The following SLC9A9 variants were observed in gnomAD, a reference collection of about 807,000 sequenced individuals.
SLC9A9 encodes sodium/hydrogen exchanger 9.
Under a neutral mutation model 77.8 loss-of-function variants are expected in SLC9A9, and 62 were observed. The observed-to-expected ratio is 0.80, with a 90% CI of 0.65 to 0.98. SLC9A9 has a LOEUF of 0.98. Ranked by LOEUF, SLC9A9 falls within the 50% of genes least tolerant of loss-of-function variation. The pLI is 0.00. For missense variants in SLC9A9, 775 were observed against 774.9 expected (o/e 1.00, Z 0.00); for synonymous variants, 320 against 283.5 (o/e 1.13, Z -1.29).
chr3:143,431,772 G>C (rs1483231270), intron 12 of SLC9A9, among the ~76,000 whole-genome samples: 2 of 152,070 alleles, frequency 1.3e-5, no homozygotes, highest in East Asian at 3.9e-4. Flanking sequence ...ATAAGGCCCT[G>C]TATGATCTTC....
At chr3:143,788,224 C>A (rs1560079455) in intron 4 of SLC9A9, among the ~76,000 whole-genome samples, 1 of 151,958 alleles carries the variant, frequency 6.6e-6, no homozygotes, top group East Asian at 1.9e-4. Flanking sequence ...AAAATGAGTT[C>A]CAGGAAATGA....
At chr3:143,625,204 A>G (rs78019207) in intron 6 of SLC9A9, among the ~76,000 whole-genome samples, 73,724 of 152,060 alleles carry the variant, frequency 0.48, 19,245 homozygotes, top group African/African-American at 0.69. Context: ...GCAATTTATA[A>G]ATTCAATGCC....
At chr3:143,342,770 T>A (rs1423435370) in intron 14 of SLC9A9, among the ~76,000 whole-genome samples, 1 of 152,198 alleles carries the variant, frequency 6.6e-6, no homozygotes, top group Non-Finnish European at 1.5e-5. Flanking sequence ...TATTGAGTGA[T>A]CTATTTAATC....
At chr3:143,729,857 C>CCTACT (rs1440323741) in intron 4 of SLC9A9, among the ~76,000 whole-genome samples, 1 of 152,176 alleles carries the variant, frequency 6.6e-6, no homozygotes, top group African/African-American at 2.4e-5. Flanking sequence ...AAAAATATAA[C>CCTACT]CTACTCTTTG....
chr3:143,415,161 C>T (rs1007019364), intron 12 of SLC9A9, among the ~76,000 whole-genome samples: 1 of 152,192 alleles, frequency 6.6e-6, no homozygotes, highest in Non-Finnish European at 1.5e-5. Flanking sequence ...CTAGCAGAAG[C>T]TAGCTCATAA....
At chr3:143,451,798 A>G (rs963291235) in intron 12 of SLC9A9, among the ~76,000 whole-genome samples, 3 of 152,172 alleles carry the variant, frequency 2.0e-5, no homozygotes, top group African/African-American at 7.2e-5. Flanking sequence ...TACTTTTGGG[A>G]TAAGACATAT....
At chr3:143,780,440 T>G (rs541219520) in intron 4 of SLC9A9, among the ~76,000 whole-genome samples, 1 of 152,280 alleles carries the variant, frequency 6.6e-6, no homozygotes, top group African/African-American at 2.4e-5. Context: ...TCACTGTCAA[T>G]TGGGGATTGA....
chr3:143,690,005 C>T (rs989319690), intron 5 of SLC9A9, among the ~76,000 whole-genome samples: 2 of 151,714 alleles, frequency 1.3e-5, no homozygotes, highest in African/African-American at 4.8e-5. Context: ...AACAAATGAA[C>T]ATTATTATAT....
intron 5 of SLC9A9, among the ~76,000 whole-genome samples, chr3:143,652,864 TC>T (rs1014713564): frequency 1.3e-5 from 2 of 151,008 alleles, no homozygotes; most frequent in Non-Finnish European, 2.9e-5. Context: ...CTTTCAACTG[TC>T]CCCCTCCCAA....
chr3:143,535,711 G>A (rs553245917), intron 9 of SLC9A9, among the ~76,000 whole-genome samples: 4 of 152,104 alleles, frequency 2.6e-5, no homozygotes, highest in Admixed American at 2.0e-4. Flanking sequence ...TCTACAATTC[G>A]TAACCCAAAT....
intron 5 of SLC9A9, among the ~76,000 whole-genome samples, chr3:143,673,561 T>C (rs1242581067): frequency 9.5e-6 from 1 of 105,538 alleles, no homozygotes; most frequent in East Asian, 3.0e-4. Flanking sequence ...TGGGGTAGGA[T>C]GGAGTAGGGA....
At chr3:143,690,302 A>G (rs1933419172) in intron 5 of SLC9A9, among the ~76,000 whole-genome samples, 1 of 152,150 alleles carries the variant, frequency 6.6e-6, no homozygotes, top group Non-Finnish European at 1.5e-5. Context: ...AAGTTCATAT[A>G]ATACTAAATT....
chr3:143,552,456 A>T lies in SLC9A9; in HGVS notation c.1001-6T>A. 6.2e-7 allele frequency: 1 copy of T among 1,612,350 alleles called. No homozygotes were observed. Among genetic ancestry groups the T allele is most frequent in the Admixed American group, 1.7e-5 (1 of 59,970 alleles). ...GAAGAGAACAGCAACTATCCCTGAAATTAAAAAAACAGATCAGTCAAAACC... is the reference window on the plus strand; with the variant it reads ...GAAGAGAACAGCAACTATCCCTGAATTTAAAAAAACAGATCAGTCAAAACC... On this transcript the variant is annotated splice_polypyrimidine_tract_variant and splice_region_variant and intron_variant, in intron 8 of 15. Coordinates refer to ENST00000316549, the MANE Select transcript of SLC9A9 (RefSeq NM_173653.4).
intron 14 of SLC9A9, among the ~76,000 whole-genome samples, chr3:143,329,804 G>A (rs890611373): frequency 6.6e-6 from 1 of 152,146 alleles, no homozygotes; most frequent in Admixed American, 6.5e-5. Context: ...GGCCACGTGA[G>A]CCTCGTGCCC....
chr3:143,841,517 C>G (rs2009706451), intron 1 of SLC9A9, among the ~76,000 whole-genome samples: 1 of 152,054 alleles, frequency 6.6e-6, no homozygotes, highest in Admixed American at 6.5e-5. Flanking sequence ...CTCCATATCC[C>G]CACTTCATTA....
At chr3:143,640,727 C>G (rs2038607448) in intron 6 of SLC9A9, among the ~76,000 whole-genome samples, 1 of 152,022 alleles carries the variant, frequency 6.6e-6, no homozygotes, top group Non-Finnish European at 1.5e-5. Context: ...CTGGTGTGGT[C>G]TGTGGTCCCA....
intron 6 of SLC9A9, among the ~76,000 whole-genome samples, chr3:143,637,949 G>T (rs1560006880): frequency 1.3e-5 from 2 of 152,140 alleles, no homozygotes; most frequent in Non-Finnish European, 2.9e-5. Flanking sequence ...AAAGCCAACT[G>T]CATACATGCA....
At chr3:143,380,775 C>T (rs923839590) in intron 13 of SLC9A9, among the ~76,000 whole-genome samples, 4 of 152,216 alleles carry the variant, frequency 2.6e-5, no homozygotes, top group African/African-American at 9.6e-5. Flanking sequence ...AACTTAATTT[C>T]CCAGCCTTTT....
chr3:143,676,307 T>C (rs1932882502), intron 5 of SLC9A9, among the ~76,000 whole-genome samples: 1 of 152,140 alleles, frequency 6.6e-6, no homozygotes, highest in South Asian at 2.1e-4. Flanking sequence ...CCAATTTCTC[T>C]TTATACTAAA....
Sources: gnomAD v4.1 joint callset for allele counts (sites outside exome capture counted in the v4.1 genomes callset) on GRCh38, gnomAD v4.1.1 for gene constraint, MANE v1.5 for transcripts, NCBI Gene and HGNC (gene_info 2026-07-23, HGNC 2026-07-21) for gene names.